Variants in SUPT16H observed in about 807,000 individuals in gnomAD.
SUPT16H encodes FACT complex subunit SPT16.
In SUPT16H, 24 loss-of-function variants were observed where a neutral mutation model predicts 136.2. The ratio of observed to expected loss-of-function variants is 0.18; its 90% confidence interval spans 0.13 to 0.25. SUPT16H has a LOEUF of 0.25. Ranked by LOEUF, SUPT16H falls within the 10% of genes least tolerant of loss-of-function variation. The pLI, the probability that SUPT16H is intolerant of heterozygous loss-of-function variation, is 1.00. For missense variants in SUPT16H, 623 were observed against 1,270.2 expected, an observed-to-expected ratio of 0.49 and a Z score of 7.74; for synonymous variants, 415 against 428.2, an observed-to-expected ratio of 0.97 and a Z score of 0.38.
chr14:21,373,227 T>G (rs1594308437), intron 2 of SUPT16H, 111 bp downstream of exon 2: 1 of 875,098 alleles, frequency 1.1e-6, no homozygotes, highest in Non-Finnish European at 1.9e-6. Flanking sequence ...ATTACAGGCA[T>G]GAGCCACCGC....
intron 7 of SUPT16H, among the ~76,000 whole-genome samples, chr14:21,367,371 T>G (rs1886694366): frequency 6.6e-6 from 1 of 152,242 alleles, no homozygotes; most frequent in South Asian, 2.1e-4. Flanking sequence ...GTGGTGGGCC[T>G]GTTCCATTTA....
chr14:21,352,513 T>TC lies in SUPT16H; in HGVS notation c.*159dup. Reference sequence around the variant, plus strand: ...GCACGTGTCCTGGTGGGCCTGGAATTCCCCGAGTAGATTGGTCCACACAAA... The same window carrying TC: ...GCACGTGTCCTGGTGGGCCTGGAATTCCCCCGAGTAGATTGGTCCACACAAA... On this transcript the variant is annotated 3_prime_UTR_variant, in exon 26 of 26. Transcript: ENST00000216297. The TC allele has an allele frequency of 8.4e-7, 1 of 1,184,790 alleles. No individual in the cohort carries two copies. The highest frequency in any genetic ancestry group is 1.5e-5 in the South Asian group (1 of 67,970). The allele number at this position is 1,184,790 out of a possible 1,614,324, so 73.4% of individuals were successfully genotyped here.
At chr14:21,359,129 A>G (rs1415072280) in intron 19 of SUPT16H, among the ~76,000 whole-genome samples, 1 of 115,918 alleles carries the variant, frequency 8.6e-6, no homozygotes, top group African/African-American at 3.4e-5. Flanking sequence ...ATGGAGTCTC[A>G]CTCTGTCGCC....
At chr14:21,354,955 C>G (rs375220693) in intron 22 of SUPT16H, 3 of 160,616 alleles carry the variant, frequency 1.9e-5, no homozygotes, top group Admixed American at 6.2e-5. Flanking sequence ...ATTTGATCTC[C>G]TAGAGCACTA....
chr14:21,355,522 A>T (rs1355251086), intron 22 of SUPT16H, among the ~76,000 whole-genome samples: 5 of 148,930 alleles, frequency 3.4e-5, no homozygotes, highest in African/African-American at 1.2e-4. Context: ...ATAAAAAAAA[A>T]AAAAAAAAAA....
intron 21 of SUPT16H, 63 bp from the exon 22 acceptor site, chr14:21,357,429 A>G (rs1886458087): frequency 7.0e-7 from 1 of 1,435,526 alleles, no homozygotes; most frequent in African/African-American, 1.5e-5. Flanking sequence ...AATATTTCAA[A>G]TAACTTTCAT....
chr14:21,375,930 A>T (rs1242677434), intron 1 of SUPT16H, among the ~76,000 whole-genome samples: 1 of 152,172 alleles, frequency 6.6e-6, no homozygotes, highest in Non-Finnish European at 1.5e-5. Context: ...ATATCTAAGA[A>T]GGTTCTGCCT....
In SUPT16H at chr14:21,353,585, G is replaced by A. The variant is rs780956553; in HGVS notation, c.2921-20C>T. On this transcript the variant is annotated intron_variant, in intron 24 of 25. Coordinates refer to ENST00000216297, the MANE Select transcript of SUPT16H (RefSeq NM_007192.4). ...AATAGTCTGGAAGAAAATTAATTAA[G>A]CGTTAGTCATCATGCGGGAACAGAA... The A allele has an allele frequency of 2.5e-6, 4 of 1,611,920 alleles. No homozygotes were observed. The highest frequency in any genetic ancestry group is 3.4e-5 in the Admixed American group (2 of 59,468).
In SUPT16H at chr14:21,355,363, C is replaced by G. The variant is rs937825879; in HGVS notation, c.2661-823G>C. Among the ~76,000 whole-genome samples, 6 of 151,846 alleles carry G rather than the reference C, an allele frequency of 4.0e-5. No individual in the cohort carries two copies. The East Asian group carries it at 1.2e-3, about 29-fold the overall frequency. On this transcript the variant is annotated intron_variant, in intron 22 of 25. Transcript: ENST00000216297. ...AAAAAATTAGCCAGGCATGGTAGCA[C>G]GCGCCTGTAGTCCCAGCTACTTGGG...
At chr14:21,361,808 C>T (rs1463766113) in intron 15 of SUPT16H, among the ~76,000 whole-genome samples, 1 of 151,958 alleles carries the variant, frequency 6.6e-6, no homozygotes, top group Non-Finnish European at 1.5e-5. Context: ...TTCTGTTGCT[C>T]AGGCTGGATG....
At chr14:21,382,850 G>A (rs1887061336) in intron 1 of SUPT16H, 1 of 152,046 alleles carries the variant, frequency 6.6e-6, no homozygotes, top group African/African-American at 2.4e-5. Context: ...GATGAAACAT[G>A]CACAGACAGC....
At chr14:21,356,128 G>A (rs1220489100) in intron 22 of SUPT16H, among the ~76,000 whole-genome samples, 1 of 152,166 alleles carries the variant, frequency 6.6e-6, no homozygotes, top group East Asian at 1.9e-4. Flanking sequence ...GATTTGGGAA[G>A]GCTGGGACAG....
chr14:21,357,564 C>A (rs1351487151), intron 21 of SUPT16H, among the ~76,000 whole-genome samples, 198 bp from the exon 22 acceptor site: 4 of 151,310 alleles, frequency 2.6e-5, no homozygotes, highest in Non-Finnish European at 4.4e-5. Context: ...AATCATCCCT[C>A]AAGGAGAATA....
At chr14:21,380,103 A>G (rs989776429) in intron 1 of SUPT16H, among the ~76,000 whole-genome samples, 9 of 152,164 alleles carry the variant, frequency 5.9e-5, no homozygotes, top group African/African-American at 1.9e-4. Flanking sequence ...CCTAAAAAAT[A>G]AGTATAACTA....
chr14:21,363,938 G>C (rs749254411), intron 10 of SUPT16H, among the ~76,000 whole-genome samples: 1 of 152,062 alleles, frequency 6.6e-6, no homozygotes, highest in African/African-American at 2.4e-5. Flanking sequence ...CTTGGCCTCC[G>C]AAAGTGCTAG....
At chr14:21,361,770 ATTAT>A (rs1232818169) in intron 15 of SUPT16H, among the ~76,000 whole-genome samples, 2 of 151,980 alleles carry the variant, frequency 1.3e-5, no homozygotes, top group African/African-American at 4.8e-5. Flanking sequence ...TATTTTCATA[ATTAT>A]TTTTTTTTTG....
chr14:21,352,492 G>A lies in SUPT16H; in HGVS notation c.*181C>T, dbSNP rs8022480. 1,865 of 922,454 alleles carry A rather than the reference G, an allele frequency of 2.0e-3. 20 individuals are homozygous for A. In the African/African-American group the frequency reaches 0.024, roughly 12 times the overall value. The allele number at this position is 922,454 out of a possible 1,614,324, so 57.1% of individuals were successfully genotyped here. A position where few individuals can be genotyped will look rare whatever the true frequency, so the allele number is the denominator to read the frequency against. ...GCCATCTGAATGGGGCCATTGGCAC[G>A]TGTCCTGGTGGGCCTGGAATTCCCC... On this transcript the variant is annotated 3_prime_UTR_variant, in exon 26 of 26. Coordinates refer to ENST00000216297, the MANE Select transcript of SUPT16H (RefSeq NM_007192.4).
intron 1 of SUPT16H, among the ~76,000 whole-genome samples, chr14:21,377,527 T>C (rs61971525): frequency 0.025 from 3,759 of 152,052 alleles, 49 homozygotes; most frequent in African/African-American, 0.033. Flanking sequence ...GAGGGCAAAC[T>C]AGCACTTTAA....
At chr14:21,368,462 A>G (rs1160706230) in intron 6 of SUPT16H, 21 bp from the exon 7 acceptor site, 1 of 1,577,684 alleles carries the variant, frequency 6.3e-7, no homozygotes, top group Non-Finnish European at 8.6e-7. Flanking sequence ...ACAAAGAAAG[A>G]AAACATTTCA....
Sources: gnomAD v4.1 joint callset for allele counts (sites outside exome capture counted in the v4.1 genomes callset) on GRCh38, gnomAD v4.1.1 for gene constraint, MANE v1.5 for transcripts, NCBI Gene and HGNC (gene_info 2026-07-23, HGNC 2026-07-21) for gene names.